The following COX7A2L variants were observed in gnomAD, a reference collection of about 807,000 sequenced individuals.
COX7A2L encodes cytochrome c oxidase subunit 7A2 like, also known as cytochrome c oxidase subunit 7A2-like, mitochondrial.
COX7A2L carries 18 observed loss-of-function variants against 14.2 expected under a neutral mutation model. That is an observed-to-expected ratio of 1.27 (90% confidence interval 0.88 to 1.88). The LOEUF (loss-of-function observed/expected upper bound fraction) is 1.88, where lower values mean the gene tolerates loss of function less well. Among genes scored for constraint, COX7A2L ranks in the 40% most tolerant of loss-of-function variants. The pLI is 0.00. For synonymous variants in COX7A2L, 65 were observed against 57.4 expected, an observed-to-expected ratio of 1.13 and a Z score of -0.60; for missense variants, 179 against 138.8, an observed-to-expected ratio of 1.29 and a Z score of -1.46.
chr2:42,345,914 C>G (rs79044340), downstream of COX7A2L, among the ~76,000 whole-genome samples: 2,619 of 152,174 alleles, frequency 0.017, 70 homozygotes, highest in African/African-American at 0.06. Context: ...TGAGAAGAGA[C>G]GAGCCGGTGA....
chr2:42,360,987 G>A, intron 1 of COX7A2L, 103 bp downstream of exon 1: 1 of 1,252,548 alleles, frequency 8.0e-7, no homozygotes, highest in Non-Finnish European at 1.1e-6. Context: ...AGACGAACTC[G>A]ACCGCGGGCA....
chr2:42,362,045 T>G (rs1671069264), upstream of COX7A2L, among the ~76,000 whole-genome samples: 1 of 152,212 alleles, frequency 6.6e-6, no homozygotes, highest in African/African-American at 2.4e-5. Context: ...CTGGTTTTTA[T>G]TCTCACCTGA....
At chr2:42,360,306 C>T (rs1375756602) in intron 1 of COX7A2L, among the ~76,000 whole-genome samples, 1 of 152,172 alleles carries the variant, frequency 6.6e-6, no homozygotes, top group African/African-American at 2.4e-5. Context: ...TGTACTAACG[C>T]CGCCCTGGAT....
intron 1 of COX7A2L, among the ~76,000 whole-genome samples, chr2:42,354,720 G>A (rs901005279): frequency 6.6e-6 from 1 of 152,142 alleles, no homozygotes; most frequent in African/African-American, 2.4e-5. Flanking sequence ...ATGAACCATG[G>A]CCTGTTTTCT....
intron 2 of COX7A2L, among the ~76,000 whole-genome samples, chr2:42,341,021 C>T (rs921624931): frequency 9.2e-5 from 13 of 140,908 alleles, no homozygotes; most frequent in African/African-American, 2.9e-4. Flanking sequence ...CCCCAGCCTG[C>T]AGAATCCCCA....
At position 42,339,093 on chromosome 2, in the gene COX7A2L, G is replaced by A. The variant is rs536833681; in HGVS notation, c.193-5224C>T. ...TGCAGATGGCTCCGTTAATAAAGCT[G>A]CCGTTCACCATGCCAAAGCTGAAGT... On this transcript the variant is annotated intron_variant, in intron 2 of 2. Coordinates refer to the COX7A2L transcript ENST00000468711. This position sits in a 1 kb window ranked among gnomAD's most constrained non-coding sequence, Gnocchi z 5.4. 6.6e-6 allele frequency among the ~76,000 whole-genome samples: 1 copy of A among 152,216 alleles called. No homozygotes were observed. Among genetic ancestry groups the A allele is most frequent in the Admixed American group, 6.5e-5 (1 of 15,284 alleles).
intron 2 of COX7A2L, among the ~76,000 whole-genome samples, chr2:42,343,736 A>T (rs906989210): frequency 3.9e-5 from 6 of 152,252 alleles, no homozygotes; most frequent in South Asian, 2.1e-4. Context: ...AGGTTTACCA[A>T]GCTTTTGACC....
chr2:42,365,345 G>T (rs141370151), upstream of COX7A2L, among the ~76,000 whole-genome samples: 1 of 152,272 alleles, frequency 6.6e-6, no homozygotes, highest in Admixed American at 6.5e-5. Context: ...ATACAAAGTC[G>T]GTTGGGCACG....
At chr2:42,362,545 A>G (rs1308602465), upstream of COX7A2L, among the ~76,000 whole-genome samples, 2 of 152,222 alleles carry the variant, frequency 1.3e-5, no homozygotes, top group East Asian at 1.9e-4. Context: ...TGGCAGAGCT[A>G]GGCATTTGGC....
At chr2:42,361,551 A>AGGGGCGGGCTCCAGGC, upstream of COX7A2L, 1 of 163,790 alleles carries the variant, frequency 6.1e-6, no homozygotes, top group East Asian at 1.9e-4. Flanking sequence ...ATGCTTTAGG[A>AGGGGCGGGCTCCAGGC]GGGGCGGGCT....
At chr2:42,343,994 C>G (rs1175431848) in intron 2 of COX7A2L, among the ~76,000 whole-genome samples, 1 of 152,124 alleles carries the variant, frequency 6.6e-6, no homozygotes, top group Non-Finnish European at 1.5e-5. Flanking sequence ...ATCTGGCTGA[C>G]AGAAAGAGCA....
downstream of COX7A2L, among the ~76,000 whole-genome samples, chr2:42,347,637 G>A (rs577681169): frequency 3.7e-4 from 57 of 152,236 alleles, no homozygotes; most frequent in African/African-American, 1.1e-3. Context: ...AAGAAAATGC[G>A]TTGGCCGGGC....
chr2:42,360,773 C>A (rs571023094), intron 1 of COX7A2L, among the ~76,000 whole-genome samples: 7 of 152,290 alleles, frequency 4.6e-5, no homozygotes, highest in Admixed American at 6.5e-5. Context: ...GAAGGCCGGA[C>A]CTCTGACTCG....
Position 42,368,110 on chromosome 2 carries a change from G to A in COX7A2L, c.-688+758C>T, listed in dbSNP as rs542948685. ...CCTGTAAATCTGCCCAGGCAGTTCTGTTCTTGAATCATTAAGAACAACCGA... is the reference window on the plus strand; with the variant it reads ...CCTGTAAATCTGCCCAGGCAGTTCTATTCTTGAATCATTAAGAACAACCGA... On this transcript the variant is annotated intron_variant, in intron 1 of 3. Transcript: ENST00000378669. 9.8e-5 allele frequency among the ~76,000 whole-genome samples: 15 copies of A among 152,340 alleles called. No individual in the cohort carries two copies. In the East Asian group the frequency reaches 2.5e-3, roughly 25 times the overall value.
intron 2 of COX7A2L, among the ~76,000 whole-genome samples, chr2:42,335,595 A>C (rs1284664482): frequency 2.6e-5 from 4 of 152,230 alleles, no homozygotes; most frequent in Non-Finnish European, 5.9e-5. Context: ...AATCTTTTCA[A>C]AATACTAAAT....
downstream of COX7A2L, among the ~76,000 whole-genome samples, chr2:42,344,416 G>T (rs963859472): frequency 6.6e-6 from 1 of 152,074 alleles, no homozygotes; most frequent in Non-Finnish European, 1.5e-5. Context: ...ATAATTCTCT[G>T]TAACACTCTA....
chr2:42,335,895 C>T (rs1670260647), intron 2 of COX7A2L, among the ~76,000 whole-genome samples: 1 of 152,188 alleles, frequency 6.6e-6, no homozygotes, highest in Non-Finnish European at 1.5e-5. Context: ...AAATCCTTCC[C>T]TACTATCCCT....
At chr2:42,359,195 C>T (rs559817662) in intron 1 of COX7A2L, 1 of 152,192 alleles carries the variant, frequency 6.6e-6, no homozygotes, top group East Asian at 1.9e-4. Flanking sequence ...ATTACTTGAG[C>T]TCAGGAGTGA....
Position 42,350,614 on chromosome 2 carries a change from CAGTCT to C in COX7A2L, c.*600_*604del, listed in dbSNP as rs1670606210. The C allele has an allele frequency of 6.6e-6, 1 of 152,004 alleles. No homozygotes were observed. The highest frequency in any genetic ancestry group is 2.4e-5 in the African/African-American group (1 of 41,366). The allele number at this position is 152,004 out of a possible 1,614,324, so 9.4% of individuals were successfully genotyped here. ...ACAGCTGCATTAACAAAACAGACAC[CAGTCT>C]AAAGTGCAACACTAAACAGGTATTC... is the stretch of plus-strand genomic sequence containing the variant. On this transcript the variant is annotated 3_prime_UTR_variant, in exon 3 of 3. Transcript: ENST00000234301.
Sources: allele counts gnomAD v4.1 joint callset (sites outside exome capture counted in the v4.1 genomes callset), GRCh38; gene constraint gnomAD v4.1.1; non-coding constraint Gnocchi (gnomAD v3.1); transcripts MANE v1.5; gene names NCBI Gene and HGNC (gene_info 2026-07-23, HGNC 2026-07-21).